Variants in RPA2 observed in about 807,000 individuals in gnomAD.
The protein encoded by RPA2 is replication protein A2.
In RPA2, 22 loss-of-function variants were observed where a neutral mutation model predicts 33.4. That is an observed-to-expected ratio of 0.66 (90% CI 0.47 to 0.94). The LOEUF (loss-of-function observed/expected upper bound fraction) is 0.94. Among genes scored for constraint, RPA2 ranks in the 40% least tolerant of loss-of-function variants. The pLI is 0.00. For missense variants in RPA2, 279 were observed against 329.9 expected (o/e 0.85, Z 1.19); for synonymous variants, 109 against 114.9 (o/e 0.95, Z 0.33).
chr1:27,907,201 C>T lies in RPA2; in HGVS notation c.199G>A (p.Gly67Arg). 6.2e-7 allele frequency: 1 copy of T among 1,613,730 alleles called. No individual in the cohort carries two copies. The highest frequency in any genetic ancestry group is 8.5e-7 in the Non-Finnish European group (1 of 1,179,892). Residue 67 changes from glycine (G) to arginine (R), a missense_variant, in exon 3 of 9, where the codon GGG (glycine) becomes AGG (arginine). Transcript: ENST00000373912. ...CATACCTGTGAAATCTCAACATTCC[C>T]AATTCTGAACACTTCATCAACCAAA... ...ATLVDEVFRI[G>R]NVEISQVTIV...
intron 8 of RPA2, 127 bp from the exon 9 acceptor site, chr1:27,892,374 A>G: frequency 1.4e-6 from 1 of 701,966 alleles, no homozygotes; most frequent in South Asian, 1.7e-5. Context: ...AAGAATTCAC[A>G]AGTATTCTGC....
intron 2 of RPA2, among the ~76,000 whole-genome samples, chr1:27,913,528 C>T (rs1259544512): frequency 6.7e-6 from 1 of 148,426 alleles, no homozygotes; most frequent in Non-Finnish European, 1.5e-5. Flanking sequence ...GCGGAGGTTG[C>T]GGGGAGCCGA....
intron 2 of RPA2, among the ~76,000 whole-genome samples, chr1:27,913,311 G>A (rs1486023100): frequency 2.0e-5 from 3 of 151,266 alleles, no homozygotes; most frequent in Non-Finnish European, 2.9e-5. Context: ...ACTTTGGGCC[G>A]GGCTCCGTGG....
chr1:27,909,861 CA>C (rs1225411239), intron 2 of RPA2, among the ~76,000 whole-genome samples: 8 of 152,130 alleles, frequency 5.3e-5, no homozygotes, highest in Admixed American at 3.9e-4. Context: ...CACTCAATAA[CA>C]AATTTTAGCT....
At chr1:27,898,544 ATTTTT>A (rs5773203) in intron 4 of RPA2, among the ~76,000 whole-genome samples, 1 of 137,634 alleles carries the variant, frequency 7.3e-6, no homozygotes. Context: ...ACATTAGCTG[ATTTTT>A]TTTTTTTTTT....
At chr1:27,899,691 T>C in intron 4 of RPA2, among the ~76,000 whole-genome samples, 1 of 151,672 alleles carries the variant, frequency 6.6e-6, no homozygotes, top group East Asian at 1.9e-4. Context: ...ATTTTTTTCT[T>C]TTTTTTTGAG....
At chr1:27,913,045 A>G (rs1236818946) in intron 2 of RPA2, among the ~76,000 whole-genome samples, 5 of 152,058 alleles carry the variant, frequency 3.3e-5, no homozygotes, top group Non-Finnish European at 1.5e-5. Flanking sequence ...CTCTGTCTCC[A>G]GAGTTCAAGC....
rs769545427 is a variant in RPA2 at position 27,914,340 on chromosome 1, C to A, written c.10+94G>T. The A allele has an allele frequency of 3.7e-6, 6 of 1,613,714 alleles. No individual in the cohort carries two copies. In the Admixed American group the frequency reaches 5.0e-5, roughly 13 times the overall value. On this transcript the variant is annotated intron_variant, in intron 1 of 8. Coordinates refer to ENST00000373912, the MANE Select transcript of RPA2 (RefSeq NM_002946.5). ...CCAGCTCCGCTCCCGCCCTTCCTCT[C>A]CCGCTACCACACGCCTCTCGGACCC...
chr1:27,913,391 C>T (rs950560747), intron 2 of RPA2, among the ~76,000 whole-genome samples: 2 of 150,772 alleles, frequency 1.3e-5, no homozygotes, highest in Non-Finnish European at 3.0e-5. Flanking sequence ...GAGTTGGAGA[C>T]CAGCCTGACC....
chr1:27,903,197 G>A (rs2089988097), intron 4 of RPA2, among the ~76,000 whole-genome samples: 1 of 152,086 alleles, frequency 6.6e-6, no homozygotes, highest in African/African-American at 2.4e-5. Flanking sequence ...CCAAAGTGCT[G>A]GAATTACAGG....
intron 6 of RPA2, among the ~76,000 whole-genome samples, chr1:27,894,798 CTCTT>C (rs771475558): frequency 3.1e-4 from 47 of 152,270 alleles, no homozygotes; most frequent in South Asian, 6.2e-4. Flanking sequence ...CTATCGTCCT[CTCTT>C]TCTTTCTTTT....
intron 4 of RPA2, among the ~76,000 whole-genome samples, chr1:27,900,392 A>G (rs918191319): frequency 1.3e-5 from 2 of 151,852 alleles, no homozygotes; most frequent in African/African-American, 4.8e-5. Flanking sequence ...GATTACACGC[A>G]TGAGCCACCG....
At chr1:27,909,324 T>C (rs1571622054) in intron 2 of RPA2, among the ~76,000 whole-genome samples, 3 of 152,310 alleles carry the variant, frequency 2.0e-5, no homozygotes, top group East Asian at 1.9e-4. Flanking sequence ...ATGGTGAGTA[T>C]TGCCACAACA....
Position 27,894,041 on chromosome 1 carries a change from C to A in RPA2, c.699G>T (p.Gln233His), listed in dbSNP as rs747655908. Reference sequence around the variant, plus strand: ...TTGAGGATACAGACATGTGTTTCAGCTGGTTCTTGAGATCCTGAAAGTTCA... The same window carrying A: ...TTGAGGATACAGACATGTGTTTCAGATGGTTCTTGAGATCCTGAAAGTTCA... Reference protein sequence around the residue: ...EGLNFQDLKNQLKHMSVSSIK... With the variant: ...EGLNFQDLKNHLKHMSVSSIK... The change falls in exon 8 of 9, where the codon CAG becomes CAT. Residue 233 changes from glutamine to histidine, a missense_variant. Physicochemically the swap from Gln to His is conservative, Grantham distance 24. Around this residue, in one of 2 missense-constraint regions of RPA2, gnomAD observed 274 missense variants for 310.3 expected, o/e 0.88. Transcript: ENST00000373912. The A allele has an allele frequency of 6.2e-7, 1 of 1,614,148 alleles. No homozygotes were observed. The highest frequency in any genetic ancestry group is 8.5e-7 in the Non-Finnish European group (1 of 1,179,984).
At chr1:27,911,089 G>A (rs928115962) in intron 2 of RPA2, among the ~76,000 whole-genome samples, 5 of 152,000 alleles carry the variant, frequency 3.3e-5, no homozygotes, top group African/African-American at 7.2e-5. Flanking sequence ...GGTGGCATGC[G>A]CCTGTAGTCA....
chr1:27,908,689 G>A (rs1323967248), intron 2 of RPA2, among the ~76,000 whole-genome samples: 1 of 152,018 alleles, frequency 6.6e-6, no homozygotes, highest in East Asian at 1.9e-4. Context: ...CTAGAGATGG[G>A]GTTTTGCCAT....
chr1:27,893,087 T>TAC (rs1347804322), intron 8 of RPA2, among the ~76,000 whole-genome samples: 1 of 152,192 alleles, frequency 6.6e-6, no homozygotes. Flanking sequence ...AACAGGACTG[T>TAC]ACACCTGACG....
At chr1:27,903,953 T>C (rs1216607640) in intron 4 of RPA2, among the ~76,000 whole-genome samples, 1 of 150,580 alleles carries the variant, frequency 6.6e-6, no homozygotes, top group African/African-American at 2.4e-5. Flanking sequence ...TCACCTGAGG[T>C]TGGGAGTTCG....
At chr1:27,909,915 T>C (rs947959254) in intron 2 of RPA2, among the ~76,000 whole-genome samples, 10 of 152,200 alleles carry the variant, frequency 6.6e-5, no homozygotes, top group African/African-American at 2.2e-4. Context: ...ACATTTGCAA[T>C]AGCTTTTAAT....
Sources: allele counts gnomAD v4.1 joint callset (sites outside exome capture counted in the v4.1 genomes callset), GRCh38; gene constraint gnomAD v4.1.1; regional missense constraint gnomAD v4.1.1; transcripts MANE v1.5; gene names NCBI Gene and HGNC (gene_info 2026-07-23, HGNC 2026-07-21).